Variants in CNTN4 observed in about 807,000 individuals in gnomAD.
CNTN4 encodes the protein contactin-4.
A neutral mutation model predicts 122.5 loss-of-function variants in CNTN4; 77 were observed. The ratio of observed to expected loss-of-function variants is 0.63; its 90% CI spans 0.52 to 0.76. The LOEUF (loss-of-function observed/expected upper bound fraction) is 0.76, where lower values mean the gene tolerates loss of function less well. Ranked by LOEUF, CNTN4 falls within the 30% of genes least tolerant of loss-of-function variation. The probability of loss-of-function intolerance (pLI) is 0.00; values close to 1 mark genes in which losing one functional copy is unlikely to be tolerated. For missense variants in CNTN4, 1,256 were observed against 1,259.1 expected, an observed-to-expected ratio of 1.00 and a Z score of 0.04; for synonymous variants, 512 against 447.0, an observed-to-expected ratio of 1.15 and a Z score of -1.83.
intron 14 of CNTN4, among the ~76,000 whole-genome samples, chr3:3,017,751 C>T (rs920156481): frequency 2.0e-5 from 3 of 152,190 alleles, no homozygotes; most frequent in African/African-American, 7.2e-5. Flanking sequence ...GAAGTGGGTG[C>T]TCACGAGGAA....
At chr3:2,595,303 A>G (rs2080716153) in intron 4 of CNTN4, among the ~76,000 whole-genome samples, 1 of 152,216 alleles carries the variant, frequency 6.6e-6, no homozygotes, top group Non-Finnish European at 1.5e-5. Context: ...TTTTCATGCC[A>G]GTTAGATCCC....
chr3:2,719,222 G>C lies in CNTN4; in HGVS notation c.56-16993G>C, dbSNP rs113482445. On this transcript the variant is annotated intron_variant, in intron 4 of 24. Transcript: ENST00000418658. ...TTGTTGAATTAGTCAATGAATGAAT[G>C]ATTAAGGAACAATTTCTCCATAGAG... Among the ~76,000 whole-genome samples the C allele has an allele frequency of 9.2e-5, 14 of 151,964 alleles. No individual in the cohort carries two copies. In the East Asian group the frequency reaches 2.7e-3, roughly 29 times the overall value.
At chr3:2,478,271 TC>T (rs2075886024) in intron 3 of CNTN4, among the ~76,000 whole-genome samples, 1 of 152,168 alleles carries the variant, frequency 6.6e-6, no homozygotes, top group African/African-American at 2.4e-5. Flanking sequence ...GATCCAAGGA[TC>T]GAGGGCTAGA....
intron 23 of CNTN4, among the ~76,000 whole-genome samples, chr3:3,045,057 A>T (rs762055998): frequency 2.1e-4 from 32 of 152,330 alleles, no homozygotes; most frequent in South Asian, 4.1e-4. Flanking sequence ...GCAGTCTGAG[A>T]TCGAACTGCA....
At chr3:2,445,278 C>T (rs2048582643) in intron 3 of CNTN4, among the ~76,000 whole-genome samples, 1 of 152,138 alleles carries the variant, frequency 6.6e-6, no homozygotes. Context: ...GCCTTGGTAA[C>T]AGCCTTCCTG....
chr3:2,866,674 C>T, intron 7 of CNTN4, 78 bp from the exon 8 acceptor site: 1 of 1,380,002 alleles, frequency 7.2e-7, no homozygotes, highest in Non-Finnish European at 1.0e-6. Flanking sequence ...CATTTTTAAC[C>T]TGATCATTTC....
intron 3 of CNTN4, among the ~76,000 whole-genome samples, chr3:2,449,368 A>G (rs1226852367): frequency 6.6e-6 from 1 of 152,076 alleles, no homozygotes; most frequent in East Asian, 1.9e-4. Context: ...TAATCCCAGC[A>G]CTTTGGGAGG....
chr3:2,875,507 T>A (rs1054335462), intron 8 of CNTN4, among the ~76,000 whole-genome samples: 1 of 152,200 alleles, frequency 6.6e-6, no homozygotes, highest in East Asian at 1.9e-4. Flanking sequence ...CCTATTTTTG[T>A]AAATAAAGTT....
chr3:2,418,927 G>GA (rs1177176152), intron 3 of CNTN4, among the ~76,000 whole-genome samples: 2 of 152,112 alleles, frequency 1.3e-5, no homozygotes. Flanking sequence ...CCCGTAGGAT[G>GA]AAAAAAGCTT....
chr3:2,347,450 C>T (rs1047424898), intron 3 of CNTN4, among the ~76,000 whole-genome samples: 71 of 124,176 alleles, frequency 5.7e-4, no homozygotes, highest in Non-Finnish European at 1.0e-3. Flanking sequence ...CTCGCTGTCG[C>T]CCAGTCTGGA....
At chr3:2,288,555 C>G (rs1640804595) in intron 2 of CNTN4, among the ~76,000 whole-genome samples, 2 of 152,162 alleles carry the variant, frequency 1.3e-5, no homozygotes, top group Admixed American at 6.5e-5. Flanking sequence ...TTTGAGGAGA[C>G]AGACATCCAA....
At chr3:2,730,412 C>G (rs2088595640) in intron 4 of CNTN4, among the ~76,000 whole-genome samples, 1 of 152,102 alleles carries the variant, frequency 6.6e-6, no homozygotes, top group African/African-American at 2.4e-5. Context: ...TCACCTGTTT[C>G]AGCCGGGAGG....
intron 4 of CNTN4, among the ~76,000 whole-genome samples, chr3:2,622,171 C>A (rs2082014562): frequency 6.6e-6 from 1 of 152,126 alleles, no homozygotes; most frequent in African/African-American, 2.4e-5. Flanking sequence ...GGTTATGTAT[C>A]CTGTACTCAC....
chr3:2,539,958 T>C (rs2077966773), intron 3 of CNTN4, among the ~76,000 whole-genome samples: 2 of 152,078 alleles, frequency 1.3e-5, no homozygotes, highest in African/African-American at 4.8e-5. Flanking sequence ...TTTTTTTCCA[T>C]GCAGACTCAA....
At chr3:2,111,425 C>T (rs960620666) in intron 2 of CNTN4, among the ~76,000 whole-genome samples, 1 of 152,032 alleles carries the variant, frequency 6.6e-6, no homozygotes, top group African/African-American at 2.4e-5. Context: ...TATAATGTGG[C>T]TACTTAAATC....
chr3:2,397,053 T>C (rs1438413057), intron 3 of CNTN4, among the ~76,000 whole-genome samples: 3 of 152,182 alleles, frequency 2.0e-5, no homozygotes, highest in Non-Finnish European at 2.9e-5. Context: ...GATGGAGTTG[T>C]TTCATAGATG....
chr3:3,025,931 C>T (rs1698683396), intron 14 of CNTN4, among the ~76,000 whole-genome samples, 171 bp from the exon 15 acceptor site: 1 of 152,156 alleles, frequency 6.6e-6, no homozygotes. Flanking sequence ...AAAATGACCT[C>T]CTGGCCTGAG....
At chr3:2,684,500 G>A (rs2085331257) in intron 4 of CNTN4, among the ~76,000 whole-genome samples, 1 of 152,054 alleles carries the variant, frequency 6.6e-6, no homozygotes, top group Non-Finnish European at 1.5e-5. Context: ...TTTAAGTGTG[G>A]CCTACAGTAG....
At chr3:2,868,102 G>A (rs1036787552) in intron 8 of CNTN4, among the ~76,000 whole-genome samples, 2 of 152,076 alleles carry the variant, frequency 1.3e-5, no homozygotes, top group African/African-American at 4.8e-5. Context: ...CAGGAATGAC[G>A]AGACCCATCA....
Sources: allele counts gnomAD v4.1 joint callset (sites outside exome capture counted in the v4.1 genomes callset), GRCh38; gene constraint gnomAD v4.1.1; transcripts MANE v1.5; gene names NCBI Gene and HGNC (gene_info 2026-07-23, HGNC 2026-07-21).